Variants in RADIL observed in about 807,000 individuals in gnomAD.
RADIL encodes the protein ras-associating and dilute domain-containing protein.
RADIL carries 99 observed loss-of-function variants against 97.6 expected under a neutral mutation model. The ratio of observed to expected loss-of-function variants is 1.01; its 90% CI spans 0.86 to 1.20. The LOEUF (loss-of-function observed/expected upper bound fraction) is 1.20. RADIL is among the 50% of genes most tolerant of loss of function. RADIL has a pLI of 0.00. For missense variants in RADIL, 1,765 were observed against 1,498.9 expected, an observed-to-expected ratio of 1.18 and a Z score of -2.93; for synonymous variants, 803 against 691.8, an observed-to-expected ratio of 1.16 and a Z score of -2.52.
intron 6 of RADIL, among the ~76,000 whole-genome samples, chr7:4,820,028 A>G (rs1433059388): frequency 6.6e-6 from 1 of 152,212 alleles, no homozygotes; most frequent in Non-Finnish European, 1.5e-5. Context: ...GCCACGTGGA[A>G]AGTCAGCCGG....
intron 5 of RADIL, among the ~76,000 whole-genome samples, chr7:4,825,273 G>A (rs895473382): frequency 6.6e-6 from 1 of 152,188 alleles, no homozygotes; most frequent in African/African-American, 2.4e-5. Context: ...GAGGCAGGCT[G>A]GTCAAGGCGC....
rs185100006 is a variant in RADIL, at chr7:4,852,967, C to T, written c.536-16362G>A. On this transcript the variant is annotated intron_variant, in intron 2 of 14. Coordinates refer to ENST00000399583, the MANE Select transcript of RADIL (RefSeq NM_018059.5). Reference sequence around the variant, plus strand: ...CAGGTCCACAGATGGAAAGAAATAGCGCCCCAAGAGTGGTACTTAATGGAT... The same window carrying T: ...CAGGTCCACAGATGGAAAGAAATAGTGCCCCAAGAGTGGTACTTAATGGAT... 1.7e-3 allele frequency among the ~76,000 whole-genome samples: 252 copies of T among 152,272 alleles called. 1 individual carries two copies. The highest frequency in any genetic ancestry group is 4.3e-3 in the African/African-American group (179 of 41,546).
At chr7:4,832,779 T>C (rs1469265861) in intron 4 of RADIL, among the ~76,000 whole-genome samples, 1 of 151,226 alleles carries the variant, frequency 6.6e-6, no homozygotes, top group African/African-American at 2.4e-5. Context: ...ATTCTTGCCT[T>C]AGTAGTAAGT....
rs558502341 is a variant in RADIL at position 4,799,395 on chromosome 7, G to A, written c.3211C>T (p.Arg1071Cys). The A allele has an allele frequency of 1.9e-5, 31 of 1,613,708 alleles. No homozygotes were observed. Among genetic ancestry groups the A allele is most frequent in the East Asian group, 2.2e-5 (1 of 44,858 alleles). ...DVETAKKIHF[R>C]TPPL Reference sequence around the variant, plus strand: ...CAGCCCCCCTAGAGAGGGGGCGTGCGGAAATGGATCTTCTTGGCTGTTTCC... The same window carrying A: ...CAGCCCCCCTAGAGAGGGGGCGTGCAGAAATGGATCTTCTTGGCTGTTTCC... The change falls in exon 15 of 15, where the codon CGC becomes TGC. Residue 1071 changes from arginine (R) to cysteine (C), a missense_variant. Physicochemically the swap from Arg to Cys is radical, Grantham distance 180 (BLOSUM62 -3). Transcript: ENST00000399583.
Position 4,835,602 on chromosome 7 carries a change from C to G in RADIL, c.784-363G>C, listed in dbSNP as rs575127822. Among the ~76,000 whole-genome samples the G allele has an allele frequency of 5.3e-5, 8 of 152,252 alleles. No homozygotes were observed. Among genetic ancestry groups the G allele is most frequent in the Non-Finnish European group, 4.4e-5 (3 of 68,010 alleles). ...TCATCCCCAAAACTGTGTGGGAGCACTGCCGCCTGTGTGGGAGCACCACCC... is the reference window on the plus strand; with the variant it reads ...TCATCCCCAAAACTGTGTGGGAGCAGTGCCGCCTGTGTGGGAGCACCACCC... On this transcript the variant is annotated intron_variant, in intron 3 of 14. Coordinates refer to ENST00000399583, the MANE Select transcript of RADIL (RefSeq NM_018059.5). This position sits in a 1 kb window ranked among gnomAD's most constrained non-coding sequence, Gnocchi z 5.8.
chr7:4,844,667 G>A lies in RADIL; in HGVS notation c.536-8062C>T, dbSNP rs1005324051. The stretch of plus-strand genomic sequence containing the variant: ...CACCCAGGCTGGAGTGCAATGGCAC[G>A]ATCACAGCTCACTGCAGCCTCCACC... On this transcript the variant is annotated intron_variant, in intron 2 of 14. Transcript: ENST00000399583. 7.2e-5 allele frequency among the ~76,000 whole-genome samples: 11 copies of A among 152,004 alleles called. 1 individual carries two copies. The South Asian group carries it at 1.2e-3, about 17-fold the overall frequency.
Position 4,819,927 on chromosome 7 carries a change from G to A in RADIL, c.1615+2467C>T, listed in dbSNP as rs1223469368. ...AAGACCAAAGGCAGCAGCTCCAACA[G>A]CCCAGAGCAATTTTTCCCATGAAGA... On this transcript the variant is annotated intron_variant, in intron 6 of 14. Transcript: ENST00000399583. This position sits in a 1 kb window ranked among gnomAD's most constrained non-coding sequence, Gnocchi z 5.8. Among the ~76,000 whole-genome samples, 1 of 152,314 alleles carries A rather than the reference G, an allele frequency of 6.6e-6. No homozygotes were observed. The highest frequency in any genetic ancestry group is 1.9e-4 in the East Asian group (1 of 5,178).
intron 9 of RADIL, chr7:4,808,487 C>A: frequency 1.3e-6 from 1 of 758,964 alleles, no homozygotes; most frequent in Non-Finnish European, 1.6e-6. Context: ...TTTTATAGGG[C>A]CCCCAAGCTA....
intron 2 of RADIL, among the ~76,000 whole-genome samples, chr7:4,838,277 A>G (rs2115006251): frequency 6.6e-6 from 1 of 152,210 alleles, no homozygotes; most frequent in Middle Eastern, 3.4e-3. Context: ...TTGCACAACT[A>G]TGGGGCCAGA....
Position 4,815,016 on chromosome 7 carries a change from C to T in RADIL, c.2139+262G>A, listed in dbSNP as rs956964730. On this transcript the variant is annotated intron_variant, in intron 9 of 14. Coordinates refer to ENST00000399583, the MANE Select transcript of RADIL (RefSeq NM_018059.5). The surrounding 1 kb of genome is among the most constrained non-coding windows in gnomAD (Gnocchi z 8.0). Reference sequence around the variant, plus strand: ...AGGTCCTTAATCGTAGTCACACGTACAGAGGCTTCTTTGCCATGTGGGGTA... The same window carrying T: ...AGGTCCTTAATCGTAGTCACACGTATAGAGGCTTCTTTGCCATGTGGGGTA... Among the ~76,000 whole-genome samples, 2 of 152,210 alleles carry T rather than the reference C, an allele frequency of 1.3e-5. No homozygotes were observed. Among genetic ancestry groups the T allele is most frequent in the African/African-American group, 4.8e-5 (2 of 41,452 alleles).
In RADIL at chr7:4,842,253, C is replaced by G. The variant is rs1783457976; in HGVS notation, c.536-5648G>C. The stretch of plus-strand genomic sequence containing the variant: ...CGGTCGTTGTTGACATCTTCTTCTA[C>G]TCTCACAGCAGAGGCCGTAAGGAAA... On this transcript the variant is annotated intron_variant, in intron 2 of 14. Coordinates refer to ENST00000399583, the MANE Select transcript of RADIL (RefSeq NM_018059.5). The surrounding 1 kb of genome is among the most constrained non-coding windows in gnomAD (Gnocchi z 4.5). Among the ~76,000 whole-genome samples, 1 of 152,134 alleles carries G rather than the reference C, an allele frequency of 6.6e-6. No individual in the cohort carries two copies. Among genetic ancestry groups the G allele is most frequent in the African/African-American group, 2.4e-5 (1 of 41,446 alleles).
intron 2 of RADIL, among the ~76,000 whole-genome samples, chr7:4,876,946 C>T (rs548245709): frequency 3.3e-5 from 5 of 152,350 alleles, no homozygotes; most frequent in South Asian, 4.1e-4. Context: ...AAAAACTCCC[C>T]GACAAGGTCG....
At chr7:4,847,538 T>C (rs765912937) in intron 2 of RADIL, among the ~76,000 whole-genome samples, 2 of 152,124 alleles carry the variant, frequency 1.3e-5, no homozygotes, top group African/African-American at 2.4e-5. Flanking sequence ...CAAATGCTTA[T>C]GCACAAATGT....
chr7:4,856,983 A>C (rs1447139098), intron 2 of RADIL, among the ~76,000 whole-genome samples: 1 of 152,232 alleles, frequency 6.6e-6, no homozygotes, highest in Non-Finnish European at 1.5e-5. Flanking sequence ...CTGGTCCTTA[A>C]TGCGAAAAGT....
chr7:4,867,996 G>A lies in RADIL; in HGVS notation c.535+9609C>T, dbSNP rs1784167301. ...CATTAGGCATTCGGTCATGGCTGCA[G>A]GCCAGAGTAAACTAACTTTCATAAC... On this transcript the variant is annotated intron_variant, in intron 2 of 14. Transcript: ENST00000399583. The surrounding 1 kb of genome is among the most constrained non-coding windows in gnomAD (Gnocchi z 4.1). Among the ~76,000 whole-genome samples, 1 of 152,218 alleles carries A rather than the reference G, an allele frequency of 6.6e-6. No individual in the cohort carries two copies. Among genetic ancestry groups the A allele is most frequent in the South Asian group, 2.1e-4 (1 of 4,836 alleles).
At chr7:4,839,992 G>A (rs1030211709) in intron 2 of RADIL, among the ~76,000 whole-genome samples, 1 of 152,094 alleles carries the variant, frequency 6.6e-6, no homozygotes, top group African/African-American at 2.4e-5. Context: ...CAAGTGATCC[G>A]CCCACCTCGG....
chr7:4,855,448 G>A (rs1783802777), intron 2 of RADIL, among the ~76,000 whole-genome samples: 1 of 151,902 alleles, frequency 6.6e-6, no homozygotes, highest in Non-Finnish European at 1.5e-5. Flanking sequence ...AGACCTACGA[G>A]GAGACTAATT....
intron 2 of RADIL, among the ~76,000 whole-genome samples, chr7:4,857,301 G>T (rs1001199431): frequency 6.6e-6 from 1 of 152,028 alleles, no homozygotes; most frequent in Non-Finnish European, 1.5e-5. Context: ...TTTCATTAGC[G>T]TGCCTTTTTT....
rs991193133 is a variant in RADIL, at chr7:4,854,862, C to T, written c.536-18257G>A. Among the ~76,000 whole-genome samples the T allele has an allele frequency of 6.6e-6, 1 of 152,180 alleles. No individual in the cohort carries two copies. The highest frequency in any genetic ancestry group is 2.4e-5 in the African/African-American group (1 of 41,434). On this transcript the variant is annotated intron_variant, in intron 2 of 14. Coordinates refer to ENST00000399583, the MANE Select transcript of RADIL (RefSeq NM_018059.5). The surrounding 1 kb of genome is among the most constrained non-coding windows in gnomAD (Gnocchi z 5.1). Reference sequence around the variant, plus strand: ...CACTAGTTCCAGAGTCACATCAACCCTCCCAAGCACATCTTCCTGCCTGTC... The same window carrying T: ...CACTAGTTCCAGAGTCACATCAACCTTCCCAAGCACATCTTCCTGCCTGTC...
Sources: allele counts gnomAD v4.1 joint callset (sites outside exome capture counted in the v4.1 genomes callset), GRCh38; gene constraint gnomAD v4.1.1; non-coding constraint Gnocchi (gnomAD v3.1); transcripts MANE v1.5; gene names NCBI Gene and HGNC (gene_info 2026-07-23, HGNC 2026-07-21).